The following NCOR1 variants were observed in gnomAD, a reference collection of about 807,000 sequenced individuals.
The protein encoded by NCOR1 is protein phosphatase 1, regulatory subunit 109.
In NCOR1, 63 loss-of-function variants were observed where a neutral mutation model predicts 288.1. The ratio of observed to expected loss-of-function variants is 0.22; its 90% CI spans 0.18 to 0.27. The LOEUF (loss-of-function observed/expected upper bound fraction) is 0.27, where lower values mean the gene tolerates loss of function less well. NCOR1 is among the 10% of genes least tolerant of loss of function. NCOR1 has a pLI of 1.00. For missense variants in NCOR1, 2,397 were observed against 3,019.2 expected (o/e 0.79, Z 4.83); for synonymous variants, 1,007 against 1,065.9 (o/e 0.94, Z 1.08).
chr17:16,090,540 G>A (rs938974811), intron 22 of NCOR1, among the ~76,000 whole-genome samples: 2 of 152,116 alleles, frequency 1.3e-5, no homozygotes, highest in African/African-American at 4.8e-5. Flanking sequence ...TACATGTTGT[G>A]TCAATTACAG....
At position 16,061,784 on chromosome 17, in the gene NCOR1, T is replaced by C. The variant is rs2060569196; in HGVS notation, c.5498A>G (p.Gln1833Arg). The stretch of plus-strand genomic sequence containing the variant: ...CTCTTTTGTTTTGGACACATCCATC[T>C]GGGGTGCAGAAGCTGCAGCATCCAC... ...ALVDAAASAP[Q>R]MDVSKTKESK... Residue 1833 changes from glutamine to arginine, a missense_variant, in exon 37 of 46, where the codon CAG becomes CGG. Transcript: ENST00000268712. The C allele has an allele frequency of 6.2e-7, 1 of 1,614,112 alleles. No homozygotes were observed. Among genetic ancestry groups the C allele is most frequent in the African/African-American group, 1.3e-5 (1 of 74,960 alleles).
chr17:16,077,429 A>AAAGGAAAGGT (rs1169406436), intron 26 of NCOR1, among the ~76,000 whole-genome samples: 2 of 141,012 alleles, frequency 1.4e-5, no homozygotes, highest in African/African-American at 2.7e-5. Flanking sequence ...AAAAGGAAGG[A>AAAGGAAAGGT]AAGGAAAGGT....
chr17:16,038,549 A>ACCTC (rs1236194258), intron 44 of NCOR1, among the ~76,000 whole-genome samples: 1 of 149,696 alleles, frequency 6.7e-6, no homozygotes, highest in East Asian at 2.0e-4. Flanking sequence ...TGATCTTCCC[A>ACCTC]CCTCGGCCCC....
At chr17:16,143,466 A>T (rs1323556992) in intron 11 of NCOR1, 140 bp downstream of exon 11, 1 of 631,996 alleles carries the variant, frequency 1.6e-6, no homozygotes, top group Non-Finnish European at 2.7e-6. Context: ...ACCCTTTAAC[A>T]GACACTCAAA....
At chr17:16,169,505 CA>C (rs1488304740) in intron 4 of NCOR1, among the ~76,000 whole-genome samples, 2 of 151,866 alleles carry the variant, frequency 1.3e-5, no homozygotes, top group Non-Finnish European at 2.9e-5. Flanking sequence ...TGGAGGTGGG[CA>C]GTTGGGAGAG....
chr17:16,203,814 T>C (rs899167734), intron 1 of NCOR1, among the ~76,000 whole-genome samples: 5 of 152,192 alleles, frequency 3.3e-5, no homozygotes, highest in African/African-American at 1.2e-4. Flanking sequence ...GAAAATCTAT[T>C]GAGGGACATA....
intron 5 of NCOR1, among the ~76,000 whole-genome samples, chr17:16,160,083 T>C (rs1374911272): frequency 6.6e-6 from 1 of 151,996 alleles, no homozygotes; most frequent in Non-Finnish European, 1.5e-5. Context: ...CCACCTGCCT[T>C]GGCCTCTCAA....
chr17:16,061,932 G>C lies in NCOR1; in HGVS notation c.5388-38C>G, dbSNP rs763338913. The C allele has an allele frequency of 3.8e-6, 6 of 1,572,740 alleles. No individual in the cohort carries two copies. The Admixed American group carries it at 7.8e-5, about 20-fold the overall frequency. Reference sequence around the variant, plus strand: ...CCAAATCACAGCTCTGTGAAGGGAAGACCATTTGCTGGGAATGTGGTGGGG... The same window carrying C: ...CCAAATCACAGCTCTGTGAAGGGAACACCATTTGCTGGGAATGTGGTGGGG... On this transcript the variant is annotated intron_variant, in intron 36 of 45. Transcript: ENST00000268712.
chr17:16,071,649 T>C lies in NCOR1; in HGVS notation c.3912A>G (p.Thr1304=), dbSNP rs554746414. ...TAAGGCCATCTTCAAAGCTTTCAGT[T>C]GTTGCTCTTGGTGTCCCTTGAAAAA... ...GSIMQGTPRA[T]TESFEDGLKY... The change falls in exon 30 of 46, where the codon ACA becomes ACG. Residue 1304 remains threonine, a synonymous_variant. Transcript: ENST00000268712. The C allele has an allele frequency of 6.2e-7, 1 of 1,612,440 alleles. No individual in the cohort carries two copies. Among genetic ancestry groups the C allele is most frequent in the Non-Finnish European group, 8.5e-7 (1 of 1,179,374 alleles).
chr17:16,148,396 C>T (rs983517449), intron 9 of NCOR1, among the ~76,000 whole-genome samples: 2 of 152,146 alleles, frequency 1.3e-5, no homozygotes, highest in Admixed American at 1.3e-4. Context: ...TGATCCAATA[C>T]TAGGACTGAC....
intron 9 of NCOR1, among the ~76,000 whole-genome samples, chr17:16,148,914 T>G (rs915018756): frequency 6.6e-6 from 1 of 152,102 alleles, no homozygotes; most frequent in African/African-American, 2.4e-5. Flanking sequence ...GTAAAATTAG[T>G]ATAAACATAT....
intron 9 of NCOR1, among the ~76,000 whole-genome samples, chr17:16,148,654 T>G (rs1264172172): frequency 7.5e-6 from 1 of 133,318 alleles, no homozygotes; most frequent in Admixed American, 8.0e-5. Context: ...GATATTTATA[T>G]GTTCTTGGCA....
Position 16,098,233 on chromosome 17 carries a change from TACG to T in NCOR1, c.2820+131_2820+133del, listed in dbSNP as rs1567998163. 8.2e-6 allele frequency: 7 copies of T among 854,244 alleles called. No individual in the cohort carries two copies. In the East Asian group the frequency reaches 1.9e-4, roughly 23 times the overall value. 52.9% of individuals were successfully genotyped at this position (854,244 alleles called of 1,614,324 possible). A position where few individuals can be genotyped will look rare whatever the true frequency, so the allele number is the denominator to read the frequency against. The stretch of plus-strand genomic sequence containing the variant: ...AGTGAACTGTATACTTAGAATTGGT[TACG>T]ATTATTAATTTCATGTTATGTTTTG... On this transcript the variant is annotated intron_variant, in intron 21 of 45. Coordinates refer to ENST00000268712, the MANE Select transcript of NCOR1 (RefSeq NM_006311.4).
At chr17:16,097,498 A>T (rs965059542) in intron 21 of NCOR1, among the ~76,000 whole-genome samples, 2 of 152,194 alleles carry the variant, frequency 1.3e-5, no homozygotes, top group Non-Finnish European at 2.9e-5. Context: ...TTAATCATTC[A>T]TACCTATGTG....
chr17:16,101,512 C>T lies in NCOR1; in HGVS notation c.2428G>A (p.Val810Ile). 1 of 1,614,224 alleles carries T rather than the reference C, an allele frequency of 6.2e-7. No homozygotes were observed. The highest frequency in any genetic ancestry group is 8.5e-7 in the Non-Finnish European group (1 of 1,180,044). The change falls in exon 20 of 46, where the codon GTT (valine) becomes ATT (isoleucine). Residue 810 changes from valine (V) to isoleucine (I), a missense_variant. By Grantham distance (29) the Val-to-Ile change is conservative (BLOSUM62 3). Transcript: ENST00000268712. ...TTGGTAGCGGGTGGGGGATCACAAA[C>T]AGAACCCTCTTCAGCACTGTGCTCC... ...QQEHSAEEGSVCDPPPATKAD... is the reference protein window; with the variant it reads ...QQEHSAEEGSICDPPPATKAD...
At chr17:16,122,271 C>T (rs1219382200) in intron 15 of NCOR1, among the ~76,000 whole-genome samples, 1 of 152,214 alleles carries the variant, frequency 6.6e-6, no homozygotes, top group South Asian at 2.1e-4. Context: ...TGGCAATACT[C>T]AAAGACTCAA....
intron 42 of NCOR1, among the ~76,000 whole-genome samples, chr17:16,046,092 C>T (rs1597798644): frequency 6.6e-6 from 1 of 152,252 alleles, no homozygotes; most frequent in East Asian, 1.9e-4. Flanking sequence ...AGATTCCAGG[C>T]CAATGTTTTA....
intron 17 of NCOR1, among the ~76,000 whole-genome samples, chr17:16,118,657 G>T (rs1250409775): frequency 1.3e-5 from 2 of 152,054 alleles, no homozygotes; most frequent in African/African-American, 4.8e-5. Context: ...TATATAAGGG[G>T]TGATACAAAA....
rs2152684757 is a variant in NCOR1 at position 16,066,328 on chromosome 17, C to T, written c.4742-634G>A. Among the ~76,000 whole-genome samples, 2 of 152,258 alleles carry T rather than the reference C, an allele frequency of 1.3e-5. 1 individual carries two copies. Among genetic ancestry groups the T allele is most frequent in the South Asian group, 4.1e-4 (2 of 4,828 alleles). On this transcript the variant is annotated intron_variant, in intron 32 of 45. Transcript: ENST00000268712. ...CCTAATAAAACTTTATTTACAAACACAAGTGGCAACAGGATTTGGCCAAAA... is the reference window on the plus strand; with the variant it reads ...CCTAATAAAACTTTATTTACAAACATAAGTGGCAACAGGATTTGGCCAAAA...
Sources: allele counts gnomAD v4.1 joint callset (sites outside exome capture counted in the v4.1 genomes callset), GRCh38; gene constraint gnomAD v4.1.1; transcripts MANE v1.5; gene names NCBI Gene and HGNC (gene_info 2026-07-23, HGNC 2026-07-21).